KIAA0825: variants seen among roughly 807,000 people sequenced by gnomAD.
The protein encoded by KIAA0825 is KIAA0825.
In KIAA0825, 119 loss-of-function variants were observed where a neutral mutation model predicts 147.6. The ratio of observed to expected loss-of-function variants is 0.81; its 90% CI spans 0.69 to 0.94. The LOEUF is 0.94. Ranked by LOEUF, KIAA0825 falls within the 40% of genes least tolerant of loss-of-function variation. The probability of loss-of-function intolerance (pLI) is 0.00; values close to 1 mark genes in which losing one functional copy is unlikely to be tolerated. For synonymous variants in KIAA0825, 470 were observed against 518.1 expected (o/e 0.91, Z 1.26); for missense variants, 1,381 against 1,472.7 (o/e 0.94, Z 1.02).
intron 15 of KIAA0825, among the ~76,000 whole-genome samples, chr5:94,407,362 A>AT (rs570635946): frequency 5.3e-5 from 8 of 152,306 alleles, no homozygotes; most frequent in Admixed American, 3.9e-4. Flanking sequence ...CCAGAAGAAG[A>AT]TTTTTTAAAC....
chr5:94,507,217 A>AT (rs1765846732), intron 5 of KIAA0825, among the ~76,000 whole-genome samples: 1 of 152,230 alleles, frequency 6.6e-6, no homozygotes, highest in Non-Finnish European at 1.5e-5. Context: ...TGGAAGGCCA[A>AT]GGCAAGCAGA....
At chr5:94,439,953 A>G in intron 14 of KIAA0825, 29 bp downstream of exon 14, 1 of 1,528,306 alleles carries the variant, frequency 6.5e-7, no homozygotes, top group Non-Finnish European at 8.8e-7. Context: ...AGGTTTTTCG[A>G]GGACATTCTT....
At chr5:94,295,275 C>A (rs1778084347) in intron 20 of KIAA0825, among the ~76,000 whole-genome samples, 1 of 151,884 alleles carries the variant, frequency 6.6e-6, no homozygotes, top group Non-Finnish European at 1.5e-5. Context: ...TCCATCAGGT[C>A]ATTTATGTTC....
At chr5:94,381,525 T>G (rs1300596695) in intron 20 of KIAA0825, among the ~76,000 whole-genome samples, 1 of 152,220 alleles carries the variant, frequency 6.6e-6, no homozygotes, top group Non-Finnish European at 1.5e-5. Context: ...TGGGTGGATA[T>G]GCATAGGTTA....
intron 5 of KIAA0825, chr5:94,519,752 A>G (rs1015560853): frequency 1.2e-6 from 1 of 826,086 alleles, no homozygotes; most frequent in African/African-American, 1.9e-5. Flanking sequence ...CAAATTTTCA[A>G]AAATTCTTTT....
chr5:94,503,590 G>A (rs557285411), intron 5 of KIAA0825, among the ~76,000 whole-genome samples: 1 of 152,226 alleles, frequency 6.6e-6, no homozygotes, highest in Non-Finnish European at 1.5e-5. Flanking sequence ...ATAGAATGTT[G>A]CTGACAGGAA....
chr5:94,586,262 T>C (rs1783264458), intron 1 of KIAA0825, among the ~76,000 whole-genome samples: 1 of 151,992 alleles, frequency 6.6e-6, no homozygotes, highest in Non-Finnish European at 1.5e-5. Context: ...GCTGGTTTTC[T>C]AAAAGATCAA....
At chr5:94,490,839 C>A (rs1330768926) in intron 5 of KIAA0825, among the ~76,000 whole-genome samples, 1 of 152,156 alleles carries the variant, frequency 6.6e-6, no homozygotes, top group Non-Finnish European at 1.5e-5. Context: ...CCATTCTCTT[C>A]TAGCAAAATT....
At chr5:94,535,318 T>A (rs746072522) in intron 3 of KIAA0825, among the ~76,000 whole-genome samples, 23 of 152,042 alleles carry the variant, frequency 1.5e-4, no homozygotes, top group Non-Finnish European at 3.1e-4. Flanking sequence ...GAGACTAGCC[T>A]GGCCAATGTC....
In KIAA0825 at chr5:94,222,003, T is replaced by C. The variant is rs1454796905; in HGVS notation, c.3711-67879A>G. On this transcript the variant is annotated intron_variant, in intron 20 of 20. Transcript: ENST00000682413. The stretch of plus-strand genomic sequence containing the variant: ...AAGTGCATAATTTTCCTCTATGATC[T>C]TACTTCTTCACTGTCATTTAGTAGT... Among the ~76,000 whole-genome samples the C allele has an allele frequency of 4.6e-5, 7 of 152,262 alleles. No individual in the cohort carries two copies. The East Asian group carries it at 1.4e-3, about 29-fold the overall frequency.
chr5:94,519,261 G>A, intron 5 of KIAA0825: 1 of 891,556 alleles, frequency 1.1e-6, no homozygotes, highest in Non-Finnish European at 1.3e-6. Context: ...CAAGTATAGT[G>A]AGCTATAGGA....
intron 20 of KIAA0825, among the ~76,000 whole-genome samples, chr5:94,313,382 G>T (rs1391311991): frequency 6.6e-6 from 1 of 151,600 alleles, no homozygotes; most frequent in Non-Finnish European, 1.5e-5. Context: ...ACCTGTACTG[G>T]CAAAATGCCA....
chr5:94,581,337 A>G (rs772090253), intron 2 of KIAA0825, among the ~76,000 whole-genome samples: 2 of 152,368 alleles, frequency 1.3e-5, no homozygotes, highest in Non-Finnish European at 2.9e-5. Context: ...TTTTCCATTT[A>G]TAAATTAGCT....
In KIAA0825 at chr5:94,210,793, A is replaced by G. The variant is rs376217871; in HGVS notation, c.3711-56669T>C. Among the ~76,000 whole-genome samples the G allele has an allele frequency of 7.8e-4, 119 of 152,342 alleles. 1 individual carries two copies. The Middle Eastern group carries it at 0.01, about 13-fold the overall frequency. ...TGCAATAGATCAAAGAAGAAACTGT[A>G]TTAAAAAATTAGGTCTAGGGTGTGG... is the stretch of plus-strand genomic sequence containing the variant. On this transcript the variant is annotated intron_variant, in intron 20 of 20. Coordinates refer to ENST00000682413, the MANE Select transcript of KIAA0825 (RefSeq NM_001145678.3).
At chr5:94,361,631 T>C (rs1745072155) in intron 20 of KIAA0825, among the ~76,000 whole-genome samples, 1 of 151,918 alleles carries the variant, frequency 6.6e-6, no homozygotes, top group Non-Finnish European at 1.5e-5. Context: ...ACACATATAA[T>C]CCACATTTTC....
intron 2 of KIAA0825, among the ~76,000 whole-genome samples, chr5:94,552,745 G>A (rs941219041): frequency 4.6e-5 from 7 of 152,190 alleles, no homozygotes; most frequent in African/African-American, 1.7e-4. Flanking sequence ...AGGATACCAT[G>A]TTAAATGAAA....
intron 1 of KIAA0825, among the ~76,000 whole-genome samples, chr5:94,613,218 A>G (rs1032608168): frequency 3.3e-5 from 5 of 151,986 alleles, no homozygotes; most frequent in African/African-American, 1.2e-4. Flanking sequence ...TTTGAGAGAG[A>G]ATCCTTCACT....
chr5:94,176,834 T>C (rs1297468706), intron 20 of KIAA0825, among the ~76,000 whole-genome samples: 1 of 152,138 alleles, frequency 6.6e-6, no homozygotes. Context: ...AGAAACAGAT[T>C]CATTACTGCT....
intron 20 of KIAA0825, among the ~76,000 whole-genome samples, chr5:94,296,747 G>T (rs1778156026): frequency 6.6e-6 from 1 of 152,134 alleles, no homozygotes; most frequent in African/African-American, 2.4e-5. Context: ...TGTCTAACCA[G>T]TCCCAGTGAG....
Sources: gnomAD v4.1 joint callset for allele counts (sites outside exome capture counted in the v4.1 genomes callset) on GRCh38, gnomAD v4.1.1 for gene constraint, MANE v1.5 for transcripts, NCBI Gene and HGNC (gene_info 2026-07-23, HGNC 2026-07-21) for gene names.